The following PHF3 variants were observed in gnomAD, a reference collection of about 807,000 sequenced individuals.
The protein encoded by PHF3 is PHD finger protein 3.
Under a neutral mutation model 178.4 loss-of-function variants are expected in PHF3, and 41 were observed. That is an observed-to-expected ratio of 0.23 (90% CI 0.18 to 0.30). The LOEUF (loss-of-function observed/expected upper bound fraction) is 0.30, where lower values mean the gene tolerates loss of function less well. Ranked by LOEUF, PHF3 falls within the 10% of genes least tolerant of loss-of-function variation. The pLI is 1.00. For missense variants in PHF3, 2,346 were observed against 2,398.1 expected (o/e 0.98, Z 0.45); for synonymous variants, 842 against 800.5 (o/e 1.05, Z -0.88).
At chr6:63,645,652 A>G (rs1362623260) in intron 1 of PHF3, among the ~76,000 whole-genome samples, 1 of 152,158 alleles carries the variant, frequency 6.6e-6, no homozygotes, top group Non-Finnish European at 1.5e-5. Context: ...CACCCCCTAA[A>G]ATATGTTGAT....
chr6:63,682,207 A>AAG (rs754041483), intron 3 of PHF3, among the ~76,000 whole-genome samples: 1 of 152,120 alleles, frequency 6.6e-6, no homozygotes, highest in Non-Finnish European at 1.5e-5. Flanking sequence ...GAGTAGGGGA[A>AAG]AGAGGGATCT....
At chr6:63,689,930 TA>T in intron 4 of PHF3, among the ~76,000 whole-genome samples, 1 of 152,182 alleles carries the variant, frequency 6.6e-6, no homozygotes. Context: ...GGGAAATCAT[TA>T]GCTTTCCTTC....
chr6:63,692,126 T>C (rs902310190), intron 5 of PHF3, 83 bp downstream of exon 5: 8 of 975,520 alleles, frequency 8.2e-6, no homozygotes, highest in African/African-American at 1.7e-5. Flanking sequence ...AATTTCTCTT[T>C]AGAAGTTTTA....
At position 63,717,111 on chromosome 6, in the gene PHF3, GAAC is replaced by G. The variant is rs962940721; in HGVS notation, c.*3406_*3408del. 2.6e-5 allele frequency among the ~76,000 whole-genome samples: 4 copies of G among 151,934 alleles called. No homozygotes were observed. The highest frequency in any genetic ancestry group is 5.9e-5 in the Non-Finnish European group (4 of 67,968). ...TAGTAAATACATGTGAAAAATTTAA[GAAC>G]AATAACACCAGCAATAGAGAAGAAA... is the stretch of plus-strand genomic sequence containing the variant. On this transcript the variant is annotated 3_prime_UTR_variant, in exon 16 of 16. Transcript: ENST00000262043.
Position 63,721,621 on chromosome 6 carries a change from C to G in PHF3, c.*7913C>G, listed in dbSNP as rs1186708771. ...ATTTTAGTGGAGGCCTTTTCTGTTA[C>G]ATTTATCCCATCTAGATCCAGGTAG... On this transcript the variant is annotated 3_prime_UTR_variant, in exon 16 of 16. Coordinates refer to ENST00000262043, the MANE Select transcript of PHF3 (RefSeq NM_001370348.2). 6.4e-7 allele frequency: 1 copy of G among 1,551,252 alleles called. No homozygotes were observed. Among genetic ancestry groups the G allele is most frequent in the East Asian group, 2.4e-5 (1 of 40,906 alleles).
chr6:63,723,788 CATTATTATTATTATTATT>C lies in PHF3; in HGVS notation c.*10111_*10128del, dbSNP rs57873412. On this transcript the variant is annotated 3_prime_UTR_variant, in exon 16 of 16. Coordinates refer to ENST00000262043, the MANE Select transcript of PHF3 (RefSeq NM_001370348.2). ...GTTATGGGTCATAAGTACACATTGG[CATTATTATTATTATTATT>C]ATTATTATTATTATTATTATTATTA... is the stretch of plus-strand genomic sequence containing the variant. 6.8e-4 allele frequency among the ~76,000 whole-genome samples: 94 copies of C among 138,170 alleles called. No individual in the cohort carries two copies. Among genetic ancestry groups the C allele is most frequent in the African/African-American group, 1.3e-3 (47 of 37,448 alleles). 90.6% of individuals were successfully genotyped at this position (138,170 alleles called of 152,430 possible).
intron 2 of PHF3, among the ~76,000 whole-genome samples, chr6:63,673,950 G>T (rs531376401): frequency 6.6e-6 from 1 of 152,270 alleles, no homozygotes; most frequent in South Asian, 2.1e-4. Context: ...TCAGTCAAAG[G>T]ATAGGGGTGG....
In PHF3 at chr6:63,685,634, A is replaced by C; in HGVS notation, c.1912A>C (p.Lys638Gln). Residue 638 changes from lysine to glutamine, a missense_variant, in exon 4 of 16, where the codon AAA (lysine) becomes CAA (glutamine). Lys to Gln is a moderately conservative substitution (Grantham distance 53). Around this residue, in one of 8 missense-constraint regions of PHF3, gnomAD observed 843 missense variants for 795.2 expected, o/e 1.06. Transcript: ENST00000262043. ...GCCTCAGCAACAGGCCCCAGCAATG[A>C]AAACCAATAGTCACGTGAAGGAAGA... ...HKPQQQAPAMKTNSHVKEELE... is the reference protein window; with the variant it reads ...HKPQQQAPAMQTNSHVKEELE... 1 of 1,614,144 alleles carries C rather than the reference A, an allele frequency of 6.2e-7. No homozygotes were observed. The highest frequency in any genetic ancestry group is 8.5e-7 in the Non-Finnish European group (1 of 1,180,022).
chr6:63,645,064 T>G (rs1038154933), intron 1 of PHF3, among the ~76,000 whole-genome samples: 4 of 151,768 alleles, frequency 2.6e-5, no homozygotes, highest in Non-Finnish European at 4.4e-5. Context: ...TATTTTTTTT[T>G]GTAGAGACGG....
intron 8 of PHF3, among the ~76,000 whole-genome samples, chr6:63,699,156 A>G (rs1338415827): frequency 6.6e-6 from 1 of 152,148 alleles, no homozygotes; most frequent in Non-Finnish European, 1.5e-5. Flanking sequence ...CATGTTTTGG[A>G]CAGAGGAAAT....
chr6:63,673,818 A>G (rs1004074969), intron 2 of PHF3, among the ~76,000 whole-genome samples: 1 of 152,232 alleles, frequency 6.6e-6, no homozygotes, highest in South Asian at 2.1e-4. Flanking sequence ...TGTACCAAAA[A>G]GGTGAATATC....
In PHF3 at chr6:63,694,668, C is replaced by A. The variant is rs900822471; in HGVS notation, c.2584C>A (p.Pro862Thr). The change falls in exon 6 of 16, where the codon CCA (proline) becomes ACA (threonine). Residue 862 changes from proline to threonine, a missense_variant. Transcript: ENST00000262043. ...QLAPLRKMGQ[P>T]VLPRRSSEEK... ...AGCTCCTCTTCGTAAGATGGGACAACCAGTTTTACCTCGGAGATCCTCAGA... is the reference window on the plus strand; with the variant it reads ...AGCTCCTCTTCGTAAGATGGGACAAACAGTTTTACCTCGGAGATCCTCAGA... 2 of 1,601,072 alleles carry A rather than the reference C, an allele frequency of 1.2e-6. No individual in the cohort carries two copies. Among genetic ancestry groups the A allele is most frequent in the African/African-American group, 1.3e-5 (1 of 74,424 alleles).
intron 2 of PHF3, among the ~76,000 whole-genome samples, chr6:63,673,411 A>G (rs957433615): frequency 6.6e-6 from 1 of 152,090 alleles, no homozygotes; most frequent in Admixed American, 6.6e-5. Context: ...GGATAACCAT[A>G]GGAGAAAACC....
chr6:63,698,394 A>T (rs952937779), intron 7 of PHF3, 27 bp downstream of exon 7: 9 of 1,579,996 alleles, frequency 5.7e-6, no homozygotes, highest in African/African-American at 2.7e-5. Context: ...TTATAGAAGT[A>T]TCAATAATTA....
intron 8 of PHF3, 48 bp downstream of exon 8, chr6:63,698,653 CATAGGT>C: frequency 7.7e-7 from 1 of 1,306,502 alleles, no homozygotes; most frequent in Non-Finnish European, 1.0e-6. Flanking sequence ...TTCCTGAGTA[CATAGGT>C]ATCTCAGATT....
At position 63,723,810 on chromosome 6, in the gene PHF3, ATTAT is replaced by A. The variant is rs1486926408; in HGVS notation, c.*10104_*10107del. On this transcript the variant is annotated 3_prime_UTR_variant, in exon 16 of 16. Coordinates refer to ENST00000262043, the MANE Select transcript of PHF3 (RefSeq NM_001370348.2). ...TGGCATTATTATTATTATTATTATT[ATTAT>A]TATTATTATTATTATTATTATTTTG... Among the ~76,000 whole-genome samples the A allele has an allele frequency of 6.9e-6, 1 of 145,306 alleles. No individual in the cohort carries two copies. Among genetic ancestry groups the A allele is most frequent in the African/African-American group, 2.6e-5 (1 of 38,768 alleles).
In PHF3 at chr6:63,717,153, T is replaced by C. The variant is rs910950261; in HGVS notation, c.*3445T>C. ...ATAGAGAAGAAAATGGAGTGAAAAG[T>C]GAAGCCACTCCATGTTAACGTGTGT... On this transcript the variant is annotated 3_prime_UTR_variant, in exon 16 of 16. Coordinates refer to ENST00000262043, the MANE Select transcript of PHF3 (RefSeq NM_001370348.2). 6.6e-6 allele frequency among the ~76,000 whole-genome samples: 1 copy of C among 151,984 alleles called. No homozygotes were observed. Among genetic ancestry groups the C allele is most frequent in the African/African-American group, 2.4e-5 (1 of 41,408 alleles).
chr6:63,658,294 C>G (rs1209773124), intron 2 of PHF3, among the ~76,000 whole-genome samples: 1 of 152,088 alleles, frequency 6.6e-6, no homozygotes, highest in Middle Eastern at 3.2e-3. Context: ...CTTTTCTGTT[C>G]AGTTTTCTCT....
In PHF3 at chr6:63,725,159, CATCA is replaced by C. The variant is rs1768563540; in HGVS notation, c.*11455_*11458del. Among the ~76,000 whole-genome samples the C allele has an allele frequency of 1.3e-5, 2 of 152,168 alleles. No individual in the cohort carries two copies. The highest frequency in any genetic ancestry group is 4.1e-4 in the South Asian group (2 of 4,822). Reference sequence around the variant, plus strand: ...TTTCTTATATAAGTGTCAAATGCAGCATCAATCGTGTGAAACTAATGAATCTCTG... The same window carrying C: ...TTTCTTATATAAGTGTCAAATGCAGCATCGTGTGAAACTAATGAATCTCTG... On this transcript the variant is annotated 3_prime_UTR_variant, in exon 16 of 16. Coordinates refer to ENST00000262043, the MANE Select transcript of PHF3 (RefSeq NM_001370348.2).
Sources: gnomAD v4.1 joint callset for allele counts (sites outside exome capture counted in the v4.1 genomes callset) on GRCh38, gnomAD v4.1.1 for gene constraint, gnomAD v4.1.1 regional missense constraint, MANE v1.5 for transcripts, NCBI Gene and HGNC (gene_info 2026-07-23, HGNC 2026-07-21) for gene names.